Variants in ZMAT5 observed in about 807,000 individuals in gnomAD.
ZMAT5 encodes the protein zinc finger matrin-type 5, also known as zinc finger matrin-type protein 5.
ZMAT5 carries 23 observed loss-of-function variants against 28.0 expected under a neutral mutation model. The observed-to-expected ratio is 0.82, with a 90% confidence interval of 0.59 to 1.16. ZMAT5 has a LOEUF of 1.16. Ranked by LOEUF, ZMAT5 falls within the 50% of genes most tolerant of loss-of-function variation. The probability of loss-of-function intolerance (pLI) is 0.00; values close to 1 mark genes in which losing one functional copy is unlikely to be tolerated. For synonymous variants in ZMAT5, 76 were observed against 84.1 expected (o/e 0.90, Z 0.52); for missense variants, 173 against 212.7 (o/e 0.81, Z 1.16).
At chr22:29,763,607 A>AAATAATAATAATAAT (rs936861135) in intron 1 of ZMAT5, among the ~76,000 whole-genome samples, 1 of 151,104 alleles carries the variant, frequency 6.6e-6, no homozygotes, top group African/African-American at 2.4e-5. Flanking sequence ...GTCTCAAACA[A>AAATAATAATAATAAT]AATAATAATA....
Position 29,763,013 on chromosome 22 carries a change from C to T in ZMAT5, c.-28+3859G>A, listed in dbSNP as rs555366967. Among the ~76,000 whole-genome samples, 86 of 152,246 alleles carry T rather than the reference C, an allele frequency of 5.6e-4. 1 individual carries two copies. The highest frequency in any genetic ancestry group is 1.9e-3 in the African/African-American group (80 of 41,544). On this transcript the variant is annotated intron_variant, in intron 1 of 5. Coordinates refer to ENST00000344318, the MANE Select transcript of ZMAT5 (RefSeq NM_001003692.2). ...CCAGCCTGGGCAATGTGGCAAGACC[C>T]TCTCTCTACAAAAAAATTTTTTTAA...
At chr22:29,748,643 C>G (rs1321693347) in intron 1 of ZMAT5, 72 bp from the exon 2 acceptor site, 1 of 1,566,506 alleles carries the variant, frequency 6.4e-7, no homozygotes, top group Non-Finnish European at 8.7e-7. Flanking sequence ...CTGAATGCTT[C>G]CTGAGGGCCA....
At position 29,748,547 on chromosome 22, in the gene ZMAT5, C is replaced by G. The variant is rs1253923969; in HGVS notation, c.-3G>C. Reference sequence around the variant, plus strand: ...TCACAGAAGTATCGCTTCCCCATGGCCACTCAGAGCAGGTGCTTTGCTGCC... The same window carrying G: ...TCACAGAAGTATCGCTTCCCCATGGGCACTCAGAGCAGGTGCTTTGCTGCC... On this transcript the variant is annotated 5_prime_UTR_variant, in exon 2 of 6. Transcript: ENST00000344318. 6.2e-7 allele frequency: 1 copy of G among 1,614,138 alleles called. No individual in the cohort carries two copies. Among genetic ancestry groups the G allele is most frequent in the African/African-American group, 1.3e-5 (1 of 75,056 alleles).
At chr22:29,764,468 A>C (rs2068188248) in intron 1 of ZMAT5, among the ~76,000 whole-genome samples, 2 of 152,212 alleles carry the variant, frequency 1.3e-5, no homozygotes, top group Admixed American at 1.3e-4. Flanking sequence ...TCAATGTCAG[A>C]GTCAGAGGCA....
chr22:29,736,972 G>A (rs1213113524), intron 5 of ZMAT5, among the ~76,000 whole-genome samples: 1 of 150,156 alleles, frequency 6.7e-6, no homozygotes, highest in African/African-American at 2.5e-5. Context: ...AGTTTGCAAT[G>A]AGACAATTGC....
Position 29,738,661 on chromosome 22 carries a change from G to A in ZMAT5, c.272-220C>T, listed in dbSNP as rs556541010. ...TTTCCCATCAAATAGAGACAACCCC[G>A]GCTGCCTCCAAGCTCTTGGGGAGCT... On this transcript the variant is annotated intron_variant, in intron 4 of 5. Coordinates refer to ENST00000344318, the MANE Select transcript of ZMAT5 (RefSeq NM_001003692.2). Among the ~76,000 whole-genome samples the A allele has an allele frequency of 1.8e-4, 27 of 152,142 alleles. No homozygotes were observed. In the Middle Eastern group the frequency reaches 0.01, roughly 57 times the overall value.
chr22:29,734,184 G>A (rs2067881840), intron 5 of ZMAT5, among the ~76,000 whole-genome samples: 1 of 152,228 alleles, frequency 6.6e-6, no homozygotes, highest in African/African-American at 2.4e-5. Context: ...GGATTAGTCT[G>A]TGTGTCTGAG....
intron 1 of ZMAT5, among the ~76,000 whole-genome samples, chr22:29,765,393 G>A (rs1050002618): frequency 2.0e-5 from 3 of 151,366 alleles, no homozygotes; most frequent in South Asian, 2.1e-4. Flanking sequence ...CACTCCAGCC[G>A]CACAGAGTGA....
intron 5 of ZMAT5, among the ~76,000 whole-genome samples, chr22:29,737,025 C>CAAAAAAAAA (rs1406580047): frequency 4.1e-5 from 3 of 73,940 alleles, no homozygotes; most frequent in Non-Finnish European, 2.9e-5. Context: ...GAATCCGTCT[C>CAAAAAAAAA]AAAAAAAAAA....
chr22:29,742,791 G>GT (rs1332875906), intron 2 of ZMAT5, among the ~76,000 whole-genome samples: 1 of 151,964 alleles, frequency 6.6e-6, no homozygotes, highest in African/African-American at 2.4e-5. Flanking sequence ...GGGACTTTGG[G>GT]TTTTTTTGTT....
At chr22:29,754,606 C>A (rs2068082741) in intron 1 of ZMAT5, among the ~76,000 whole-genome samples, 1 of 152,210 alleles carries the variant, frequency 6.6e-6, no homozygotes, top group Admixed American at 6.5e-5. Flanking sequence ...TGCAATGGCT[C>A]AGGCCTGTAA....
intron 1 of ZMAT5, among the ~76,000 whole-genome samples, chr22:29,760,529 A>G (rs1451704493): frequency 3.3e-5 from 5 of 152,088 alleles, no homozygotes; most frequent in Non-Finnish European, 2.9e-5. Flanking sequence ...ACAGAGCAAG[A>G]CTCTGTCTCA....
intron 1 of ZMAT5, among the ~76,000 whole-genome samples, chr22:29,761,618 A>C (rs2068158739): frequency 6.6e-6 from 1 of 152,160 alleles, no homozygotes; most frequent in South Asian, 2.1e-4. Context: ...GGAACTGTGC[A>C]TGCGAGGGAT....
In ZMAT5 at chr22:29,741,161, C is replaced by A. The variant is rs530658584; in HGVS notation, c.191-431G>T. Among the ~76,000 whole-genome samples the A allele has an allele frequency of 2.0e-5, 3 of 152,320 alleles. No homozygotes were observed. In the South Asian group the frequency reaches 6.2e-4, roughly 32 times the overall value. On this transcript the variant is annotated intron_variant, in intron 3 of 5. Transcript: ENST00000344318. ...GTATTCTGCCTGCCTACCTGGCTCA[C>A]GGGAGCAATTGGACTGCTCCTTAGA... is the stretch of plus-strand genomic sequence containing the variant.
At chr22:29,736,218 C>T (rs2067902815) in intron 5 of ZMAT5, among the ~76,000 whole-genome samples, 1 of 152,180 alleles carries the variant, frequency 6.6e-6, no homozygotes, top group Admixed American at 6.5e-5. Flanking sequence ...ACGTGGATCC[C>T]TGGACAGCAA....
chr22:29,744,543 T>TG (rs1251391520), intron 2 of ZMAT5, among the ~76,000 whole-genome samples: 4 of 143,102 alleles, frequency 2.8e-5, no homozygotes, highest in Non-Finnish European at 4.6e-5. Flanking sequence ...TTCCCTGAGG[T>TG]GGGGGGGTAC....
intron 1 of ZMAT5, among the ~76,000 whole-genome samples, chr22:29,751,977 G>T (rs1296324573): frequency 6.6e-6 from 1 of 151,570 alleles, no homozygotes; most frequent in Non-Finnish European, 1.5e-5. Context: ...AAAAAAAAAA[G>T]TCTCCTTCCA....
intron 5 of ZMAT5, among the ~76,000 whole-genome samples, chr22:29,732,213 A>C (rs2067854157): frequency 6.6e-6 from 1 of 152,224 alleles, no homozygotes. Context: ...TCAGGCTTCG[A>C]AGTACTTTGA....
intron 1 of ZMAT5, among the ~76,000 whole-genome samples, chr22:29,754,796 C>A (rs953232549): frequency 1.3e-5 from 2 of 152,096 alleles, no homozygotes; most frequent in Non-Finnish European, 2.9e-5. Flanking sequence ...ATAGCTTGAG[C>A]CCAAGGAGGT....
Sources: allele counts gnomAD v4.1 joint callset (sites outside exome capture counted in the v4.1 genomes callset), GRCh38; gene constraint gnomAD v4.1.1; transcripts MANE v1.5; gene names NCBI Gene and HGNC (gene_info 2026-07-23, HGNC 2026-07-21).